The following TNRC18 variants were observed in gnomAD, a reference collection of about 807,000 sequenced individuals.
TNRC18 encodes the protein trinucleotide repeat-containing gene 18 protein.
A neutral mutation model predicts 226.7 loss-of-function variants in TNRC18; 69 were observed. The ratio of observed to expected loss-of-function variants is 0.30; its 90% confidence interval spans 0.25 to 0.37. The LOEUF (loss-of-function observed/expected upper bound fraction) is 0.37, where lower values mean the gene tolerates loss of function less well. Among genes scored for constraint, TNRC18 ranks in the 10% least tolerant of loss-of-function variants. The pLI is 1.00. For synonymous variants in TNRC18, 2,449 were observed against 1,927.6 expected (o/e 1.27, Z -7.09); for missense variants, 4,754 against 4,256.6 (o/e 1.12, Z -3.25).
chr7:5,340,512 G>C (rs895309141), intron 18 of TNRC18, among the ~76,000 whole-genome samples: 2 of 152,160 alleles, frequency 1.3e-5, no homozygotes, highest in African/African-American at 2.4e-5. Context: ...CGAGGCGAGA[G>C]GATCATTTGA....
At chr7:5,362,862 A>G in intron 11 of TNRC18, 37 bp from the exon 12 acceptor site, 2 of 1,459,676 alleles carry the variant, frequency 1.4e-6, no homozygotes, top group Non-Finnish European at 1.8e-6. Context: ...CGCTGCTGCC[A>G]CCCCTTCCCC....
intron 4 of TNRC18, 28 bp from the exon 5 acceptor site, chr7:5,389,364 A>G: frequency 8.1e-7 from 1 of 1,242,040 alleles, no homozygotes; most frequent in South Asian, 3.5e-5. Flanking sequence ...GCAGGCAGTG[A>G]GCGAGCGCCA....
At position 5,352,321 on chromosome 7, in the gene TNRC18, G is replaced by A. The variant is rs375678384; in HGVS notation, c.5195-227C>T. Among the ~76,000 whole-genome samples the A allele has an allele frequency of 4.3e-4, 66 of 152,200 alleles. 1 individual carries two copies. The highest frequency in any genetic ancestry group is 1.6e-3 in the African/African-American group (65 of 41,530). On this transcript the variant is annotated intron_variant, in intron 16 of 29. Coordinates refer to ENST00000430969, the MANE Select transcript of TNRC18 (RefSeq NM_001080495.3). ...CCTCGGTCATTGCATGGCATCTTCC[G>A]AGTGCTGGACCCAGGCCCTTCCTAG...
chr7:5,376,310 G>C, intron 8 of TNRC18, 86 bp from the exon 9 acceptor site: 3 of 1,191,630 alleles, frequency 2.5e-6, no homozygotes, highest in Non-Finnish European at 3.4e-6. Flanking sequence ...AGCCAGAGAG[G>C]GGCCACACCC....
At chr7:5,387,406 G>A (rs1254618420) in intron 5 of TNRC18, among the ~76,000 whole-genome samples, 1 of 152,242 alleles carries the variant, frequency 6.6e-6, no homozygotes, top group South Asian at 2.1e-4. Flanking sequence ...ATGACTGAAA[G>A]TATCACGAAG....
intron 15 of TNRC18, among the ~76,000 whole-genome samples, chr7:5,357,699 G>A (rs1025269711): frequency 4.6e-5 from 7 of 152,144 alleles, no homozygotes; most frequent in Admixed American, 1.3e-4. Context: ...ATGTTGCCCA[G>A]GCTGGTCTCA....
chr7:5,309,296 T>C lies in TNRC18; in HGVS notation c.8461A>G (p.Ile2821Val), dbSNP rs771039080. Residue 2821 changes from isoleucine to valine, a missense_variant, in exon 28 of 30, where the codon ATC becomes GTC. Physicochemically the swap from Ile to Val is conservative, Grantham distance 29. Coordinates refer to ENST00000430969, the MANE Select transcript of TNRC18 (RefSeq NM_001080495.3). The surrounding 1 kb of genome is among the most constrained non-coding windows in gnomAD (Gnocchi z 5.7). ...GAGAGGAACACGGCACAGTCCCCGATACGGATCATCTCCTTGCCGCGCACG... is the reference window on the plus strand; with the variant it reads ...GAGAGGAACACGGCACAGTCCCCGACACGGATCATCTCCTTGCCGCGCACG... Reference protein sequence around the residue: ...AIVRGKEMIRIGDCAVFLSAG... With the variant: ...AIVRGKEMIRVGDCAVFLSAG... The C allele has an allele frequency of 5.0e-6, 8 of 1,613,770 alleles. No individual in the cohort carries two copies. In the African/African-American group the frequency reaches 8.0e-5, roughly 16 times the overall value.
At chr7:5,373,973 A>G in intron 10 of TNRC18, 82 bp downstream of exon 10, 2 of 1,161,694 alleles carry the variant, frequency 1.7e-6, no homozygotes, top group Admixed American at 3.5e-5. Context: ...CGAACGATCG[A>G]ACGGGTCAAT....
chr7:5,356,741 C>CT (rs1468723972), intron 16 of TNRC18, among the ~76,000 whole-genome samples, 175 bp downstream of exon 16: 8 of 152,292 alleles, frequency 5.3e-5, no homozygotes, highest in African/African-American at 1.7e-4. Context: ...GGCGGCCTCC[C>CT]CCCCCACTTC....
chr7:5,370,362 C>A lies in TNRC18; in HGVS notation c.4219+13G>T. The A allele has an allele frequency of 6.5e-7, 1 of 1,535,908 alleles. No homozygotes were observed. The highest frequency in any genetic ancestry group is 8.8e-7 in the Non-Finnish European group (1 of 1,141,230). On this transcript the variant is annotated intron_variant, in intron 11 of 29. Transcript: ENST00000430969. ...TCACGAATCTGCAGAACTCAGAGGTCGCGCACTCTCACCTCCCATCTCTTG... is the reference window on the plus strand; with the variant it reads ...TCACGAATCTGCAGAACTCAGAGGTAGCGCACTCTCACCTCCCATCTCTTG...
rs779259535 is a variant in TNRC18, at chr7:5,307,253, TTATATA to T, written c.*847_*852del. ...GCTATTTTTCACAGTTTTAAAAAGT[TTATATA>T]TATATTTATATATATTTATCTTTAT... On this transcript the variant is annotated 3_prime_UTR_variant, in exon 30 of 30. Coordinates refer to ENST00000430969, the MANE Select transcript of TNRC18 (RefSeq NM_001080495.3). 4.0e-5 allele frequency: 6 copies of T among 149,222 alleles called. No individual in the cohort carries two copies. The highest frequency in any genetic ancestry group is 7.3e-5 in the African/African-American group (3 of 41,004). The allele number at this position is 149,222 out of a possible 1,614,324, so 9.2% of individuals were successfully genotyped here.
intron 4 of TNRC18, 88 bp from the exon 5 acceptor site, chr7:5,389,424 T>C: frequency 6.3e-5 from 75 of 1,197,984 alleles, no homozygotes; most frequent in Non-Finnish European, 7.5e-5. Flanking sequence ...GAGAGGGGGA[T>C]GGACCAACCC....
chr7:5,372,130 C>T (rs1362230685), intron 10 of TNRC18, among the ~76,000 whole-genome samples: 6 of 151,540 alleles, frequency 4.0e-5, no homozygotes, highest in African/African-American at 9.7e-5. Context: ...TGCAGTGGCG[C>T]GATCGCGGCT....
chr7:5,335,060 G>A (rs541201977), intron 18 of TNRC18, among the ~76,000 whole-genome samples: 9 of 151,984 alleles, frequency 5.9e-5, no homozygotes, highest in African/African-American at 2.2e-4. Flanking sequence ...CCAGCCCTTT[G>A]GGAGGTCAAG....
rs984770778 is a variant in TNRC18 at position 5,388,516 on chromosome 7, G to A, written c.1308C>T (p.Leu436=). ...GGGCATCCGCGGGGGGCGGCCGCTTGAGCGAGCGGATGACCGAGTTCTTCT... is the reference window on the plus strand; with the variant it reads ...GGGCATCCGCGGGGGGCGGCCGCTTAAGCGAGCGGATGACCGAGTTCTTCT... The part of the protein sequence containing the change: ...LREKNSVIRS[L]KRPPPADAPT... The change falls in exon 5 of 30, where the codon CTC becomes CTT. Residue 436 remains leucine, a synonymous_variant. Transcript: ENST00000430969. 7.8e-4 allele frequency: 1,028 copies of A among 1,325,324 alleles called. 3 individuals are homozygous for A. The highest frequency in any genetic ancestry group is 1.2e-3 in the Admixed American group (29 of 23,664). The allele number at this position is 1,325,324 out of a possible 1,614,324, so 82.1% of individuals were successfully genotyped here.
At position 5,374,268 on chromosome 7, in the gene TNRC18, C is replaced by T. The variant is rs1477471381; in HGVS notation, c.3016G>A (p.Ala1006Thr). The T allele has an allele frequency of 1.3e-6, 2 of 1,492,682 alleles. No homozygotes were observed. Among genetic ancestry groups the T allele is most frequent in the Non-Finnish European group, 1.8e-6 (2 of 1,121,496 alleles). The allele number at this position is 1,492,682 out of a possible 1,614,324, so 92.5% of individuals were successfully genotyped here. ...PRASPVAALK[A>T]KVIQKLEDVS... ...TCCTCCAGCTTCTGGATGACCTTGGCCTTCAGGGCAGCCACAGGGGATGCG... is the reference window on the plus strand; with the variant it reads ...TCCTCCAGCTTCTGGATGACCTTGGTCTTCAGGGCAGCCACAGGGGATGCG... The change falls in exon 10 of 30, where the codon GCC becomes ACC. Residue 1006 changes from alanine (A) to threonine (T), a missense_variant. Physicochemically the swap from Ala to Thr is moderately conservative, Grantham distance 58. Coordinates refer to ENST00000430969, the MANE Select transcript of TNRC18 (RefSeq NM_001080495.3).
rs1786617892 is a variant in TNRC18 at position 5,307,192 on chromosome 7, T to C, written c.*914A>G. On this transcript the variant is annotated 3_prime_UTR_variant, in exon 30 of 30. Transcript: ENST00000430969. ...TCTAACAGGAAATAAAAAATAATATTCTGCACGTCAGAATGTTTTTTTTTA... is the reference window on the plus strand; with the variant it reads ...TCTAACAGGAAATAAAAAATAATATCCTGCACGTCAGAATGTTTTTTTTTA... 1 of 124,690 alleles carries C rather than the reference T, an allele frequency of 8.0e-6. No homozygotes were observed. Among genetic ancestry groups the C allele is most frequent in the African/African-American group, 3.2e-5 (1 of 31,664 alleles). 7.7% of individuals were successfully genotyped at this position (124,690 alleles called of 1,614,324 possible). A position where few individuals can be genotyped will look rare whatever the true frequency, so the allele number is the denominator to read the frequency against.
chr7:5,341,996 G>T (rs113080870), intron 18 of TNRC18, among the ~76,000 whole-genome samples: 1,577 of 152,318 alleles, frequency 0.01, 13 homozygotes, highest in Non-Finnish European at 0.017. Flanking sequence ...CGCCCATTCT[G>T]CAGCCCATAG....
At chr7:5,379,892 C>G (rs531340876) in intron 5 of TNRC18, among the ~76,000 whole-genome samples, 2 of 152,184 alleles carry the variant, frequency 1.3e-5, no homozygotes, top group African/African-American at 2.4e-5. Context: ...GGTCCTCCTA[C>G]GCAGCGCTAC....
Sources: gnomAD v4.1 joint callset for allele counts (sites outside exome capture counted in the v4.1 genomes callset) on GRCh38, gnomAD v4.1.1 for gene constraint, Gnocchi (gnomAD v3.1) non-coding constraint, MANE v1.5 for transcripts, NCBI Gene and HGNC (gene_info 2026-07-23, HGNC 2026-07-21) for gene names.